GLUL: variants seen among roughly 807,000 people sequenced by gnomAD.
The protein encoded by GLUL is glutamate-ammonia ligase.
Under a neutral mutation model 36.9 loss-of-function variants are expected in GLUL, and 8 were observed. That is an observed-to-expected ratio of 0.22 (90% CI 0.13 to 0.39). GLUL has a LOEUF of 0.39. GLUL is among the 10% of genes least tolerant of loss of function. The pLI is 1.00. For missense variants in GLUL, 315 were observed against 501.8 expected, an observed-to-expected ratio of 0.63 and a Z score of 3.56; for synonymous variants, 182 against 172.8, an observed-to-expected ratio of 1.05 and a Z score of -0.42.
At chr1:182,390,775 G>A (rs893799143) in intron 1 of GLUL, 5 of 399,050 alleles carry the variant, frequency 1.3e-5, no homozygotes, top group East Asian at 3.6e-5. Flanking sequence ...GCGACCCGGA[G>A]GAGTCTGACT....
intron 3 of GLUL, 95 bp downstream of exon 3, chr1:182,387,036 T>C: frequency 2.1e-6 from 2 of 970,532 alleles, no homozygotes; most frequent in Non-Finnish European, 3.4e-6. Flanking sequence ...TGAAATTGCC[T>C]AGTCTTCCCA....
chr1:182,382,851 T>C lies in GLUL; in HGVS notation c.*1554A>G, dbSNP rs916841081. On this transcript the variant is annotated 3_prime_UTR_variant, in exon 7 of 7. Coordinates refer to ENST00000331872, the MANE Select transcript of GLUL (RefSeq NM_001033044.4). ...TGTTTTAGGAAATAAAGAAATATAATGGCACATAGGGATTTGAAAGAATCA... is the reference window on the plus strand; with the variant it reads ...TGTTTTAGGAAATAAAGAAATATAACGGCACATAGGGATTTGAAAGAATCA... 1 of 152,206 alleles carries C rather than the reference T, an allele frequency of 6.6e-6. No individual in the cohort carries two copies. Among genetic ancestry groups the C allele is most frequent in the Admixed American group, 6.5e-5 (1 of 15,288 alleles). 9.4% of individuals were successfully genotyped at this position (152,206 alleles called of 1,614,324 possible).
chr1:182,388,265 G>C (rs1306067369), intron 2 of GLUL, among the ~76,000 whole-genome samples: 1 of 152,190 alleles, frequency 6.6e-6, no homozygotes, highest in East Asian at 1.9e-4. Flanking sequence ...CTTAGAGCCA[G>C]CTAAGTGGGG....
At position 182,390,745 on chromosome 1, in the gene GLUL, G is replaced by C. The variant is rs534569561; in HGVS notation, c.-14+934C>G. On this transcript the variant is annotated intron_variant, in intron 1 of 6. Coordinates refer to ENST00000331872, the MANE Select transcript of GLUL (RefSeq NM_001033044.4). ...CCCCGGAGTTCACAGAGTAGGCGACGAAGCCGAAGCAGCTGGAGCGCGACC... is the reference window on the plus strand; with the variant it reads ...CCCCGGAGTTCACAGAGTAGGCGACCAAGCCGAAGCAGCTGGAGCGCGACC... The C allele has an allele frequency of 3.3e-5, 13 of 399,146 alleles. No homozygotes were observed. Among genetic ancestry groups the C allele is most frequent in the African/African-American group, 2.7e-4 (13 of 48,768 alleles). The allele number at this position is 399,146 out of a possible 1,614,324, so 24.7% of individuals were successfully genotyped here.
Position 182,379,733 on chromosome 1 carries a change from G to C in GLUL, c.*4672C>G, listed in dbSNP as rs1459242385. On this transcript the variant is annotated 3_prime_UTR_variant, in exon 7 of 7. Transcript: ENST00000331872. ...GTATTTTTTGTAGAGATGGGGTTTT[G>C]TCATGTTGCCCAGGCTAGTCTCGAA... 1.3e-5 allele frequency among the ~76,000 whole-genome samples: 2 copies of C among 150,922 alleles called. No homozygotes were observed. Among genetic ancestry groups the C allele is most frequent in the African/African-American group, 4.9e-5 (2 of 41,050 alleles).
Position 182,385,222 on chromosome 1 carries a change from G to C in GLUL, c.803+135C>G. ...AACACCTAAAGTACGTCCAGACTGA[G>C]AAGTCAAGTTTACTCATCTTTGGCA... On this transcript the variant is annotated intron_variant, in intron 6 of 6. Coordinates refer to ENST00000331872, the MANE Select transcript of GLUL (RefSeq NM_001033044.4). 1.2e-5 allele frequency: 9 copies of C among 724,984 alleles called. No homozygotes were observed. In the South Asian group the frequency reaches 1.3e-4, roughly 11 times the overall value. The allele number at this position is 724,984 out of a possible 1,614,324, so 44.9% of individuals were successfully genotyped here.
At position 182,380,598 on chromosome 1, in the gene GLUL, G is replaced by A. The variant is rs1649893230; in HGVS notation, c.*3807C>T. Among the ~76,000 whole-genome samples the A allele has an allele frequency of 6.6e-6, 1 of 152,198 alleles. No homozygotes were observed. The highest frequency in any genetic ancestry group is 2.1e-4 in the South Asian group (1 of 4,830). ...GGCGTAAGCCACTTCACCTGGCCTT[G>A]ATTCTTTTTAAGCTCAATAAAAATG... On this transcript the variant is annotated 3_prime_UTR_variant, in exon 7 of 7. Transcript: ENST00000331872.
intron 6 of GLUL, 189 bp downstream of exon 6, chr1:182,385,168 C>A: frequency 3.3e-6 from 2 of 601,018 alleles, no homozygotes; most frequent in South Asian, 3.9e-5. Flanking sequence ...CAAATAGGAA[C>A]AAAATGAGAG....
At chr1:182,390,761 G>C (rs1158926214) in intron 1 of GLUL, 1 of 399,060 alleles carries the variant, frequency 2.5e-6, no homozygotes, top group Non-Finnish European at 4.4e-6. Context: ...GAAGCAGCTG[G>C]AGCGCGACCC....
chr1:182,388,582 C>T lies in GLUL; in HGVS notation c.156G>A (p.Lys52=). 6.2e-7 allele frequency: 1 copy of T among 1,613,940 alleles called. No individual in the cohort carries two copies. Among genetic ancestry groups the T allele is most frequent in the Non-Finnish European group, 8.5e-7 (1 of 1,179,822 alleles). ...CKTRTLDSEP[K]CVEELPEWNF... is the part of the protein sequence containing the mutation. Reference sequence around the variant, plus strand: ...ACATTGCTGTCTCACCTTCCACACACTTGGGCTCACTGTCCAGGGTCCGGG... The same window carrying T: ...ACATTGCTGTCTCACCTTCCACACATTTGGGCTCACTGTCCAGGGTCCGGG... The change falls in exon 2 of 7, where the codon AAG becomes AAA. Residue 52 remains lysine (K), a synonymous_variant. Coordinates refer to ENST00000331872, the MANE Select transcript of GLUL (RefSeq NM_001033044.4).
chr1:182,384,968 G>GT (rs1650108909), intron 6 of GLUL: 2 of 526,924 alleles, frequency 3.8e-6, no homozygotes, highest in Admixed American at 3.4e-5. Flanking sequence ...CCACATGCCT[G>GT]TATTGTTACT....
chr1:182,380,988 G>A lies in GLUL; in HGVS notation c.*3417C>T, dbSNP rs909578159. On this transcript the variant is annotated 3_prime_UTR_variant, in exon 7 of 7. Transcript: ENST00000331872. The stretch of plus-strand genomic sequence containing the variant: ...CCCTAGGCCGGGTGCAGTGGCTCAC[G>A]CCTGTAATCCCAGCACTTTGGGAGG... Among the ~76,000 whole-genome samples the A allele has an allele frequency of 2.0e-5, 3 of 152,206 alleles. No individual in the cohort carries two copies. The highest frequency in any genetic ancestry group is 4.4e-5 in the Non-Finnish European group (3 of 68,024).
intron 1 of GLUL, 143 bp downstream of exon 1, chr1:182,391,536 T>A (rs2101940046): frequency 3.6e-6 from 1 of 280,618 alleles, no homozygotes; most frequent in South Asian, 1.7e-4. Context: ...ATGCCGGATC[T>A]CAGGCATGGG....
Position 182,379,578 on chromosome 1 carries a change from T to G in GLUL, c.*4827A>C, listed in dbSNP as rs1649853015. On this transcript the variant is annotated 3_prime_UTR_variant, in exon 7 of 7. Transcript: ENST00000331872. Reference sequence around the variant, plus strand: ...TTTTTTGTTTTTTTGAGACAGGGTCTCACTTTGTTGCCCAGACTGGAGGGC... The same window carrying G: ...TTTTTTGTTTTTTTGAGACAGGGTCGCACTTTGTTGCCCAGACTGGAGGGC... 6.6e-6 allele frequency among the ~76,000 whole-genome samples: 1 copy of G among 152,046 alleles called. No individual in the cohort carries two copies. The highest frequency in any genetic ancestry group is 6.6e-5 in the Admixed American group (1 of 15,264).
At chr1:182,387,411 T>C (rs2101935158) in intron 2 of GLUL, 119 bp from the exon 3 acceptor site, 2 of 798,096 alleles carry the variant, frequency 2.5e-6, no homozygotes, top group Non-Finnish European at 4.4e-6. Flanking sequence ...CAGGAATTCA[T>C]TAAGGTATAA....
At position 182,378,531 on chromosome 1, in the gene GLUL, C is replaced by T. The variant is rs1215611956; in HGVS notation, c.*5874G>A. On this transcript the variant is annotated 3_prime_UTR_variant, in exon 7 of 7. Transcript: ENST00000331872. ...ACTTTAAGAACAATTATACCTTCTACATCTTACCACTCCCCATTCCTAGTG... is the reference window on the plus strand; with the variant it reads ...ACTTTAAGAACAATTATACCTTCTATATCTTACCACTCCCCATTCCTAGTG... Among the ~76,000 whole-genome samples the T allele has an allele frequency of 6.6e-6, 1 of 152,176 alleles. No individual in the cohort carries two copies. Among genetic ancestry groups the T allele is most frequent in the Admixed American group, 6.5e-5 (1 of 15,278 alleles).
At chr1:182,386,443 G>C (rs375297768) in intron 3 of GLUL, 41 bp from the exon 4 acceptor site, 30 of 1,427,266 alleles carry the variant, frequency 2.1e-5, no homozygotes, top group Non-Finnish European at 2.9e-5. Context: ...GGGATCTAAA[G>C]ACATAGATGC....
intron 1 of GLUL, chr1:182,389,229 T>C (rs146167187): frequency 1.3e-4 from 23 of 176,080 alleles, no homozygotes; most frequent in Admixed American, 7.1e-4. Flanking sequence ...TTACAAAACA[T>C]AGAACTTCTT....
In GLUL at chr1:182,381,529, G is replaced by C. The variant is rs1649926921; in HGVS notation, c.*2876C>G. Reference sequence around the variant, plus strand: ...CAAATGAACTATAAAAAACACCTTAGAAATACAAGGGGATTGCACTGTGAC... The same window carrying C: ...CAAATGAACTATAAAAAACACCTTACAAATACAAGGGGATTGCACTGTGAC... On this transcript the variant is annotated 3_prime_UTR_variant, in exon 7 of 7. Transcript: ENST00000331872. Among the ~76,000 whole-genome samples the C allele has an allele frequency of 1.3e-5, 2 of 152,188 alleles. No individual in the cohort carries two copies. The highest frequency in any genetic ancestry group is 4.8e-5 in the African/African-American group (2 of 41,454).
Sources: allele counts gnomAD v4.1 joint callset (sites outside exome capture counted in the v4.1 genomes callset), GRCh38; gene constraint gnomAD v4.1.1; transcripts MANE v1.5; gene names NCBI Gene and HGNC (gene_info 2026-07-23, HGNC 2026-07-21).